Variants in MYO3B observed in about 807,000 individuals in gnomAD.
MYO3B encodes myosin IIIB.
In MYO3B, 156 loss-of-function variants were observed where a neutral mutation model predicts 174.6. The ratio of observed to expected loss-of-function variants is 0.89; its 90% CI spans 0.78 to 1.02. MYO3B has a LOEUF of 1.02. MYO3B is among the 50% of genes least tolerant of loss of function. The pLI is 0.00. For missense variants in MYO3B, 1,632 were observed against 1,639.4 expected, an observed-to-expected ratio of 1.00 and a Z score of 0.08; for synonymous variants, 563 against 569.1, an observed-to-expected ratio of 0.99 and a Z score of 0.15.
chr2:170,432,708 T>C (rs572933664), intron 22 of MYO3B, among the ~76,000 whole-genome samples: 189 of 151,928 alleles, frequency 1.2e-3, no homozygotes, highest in South Asian at 6.0e-3. Context: ...TCCCAAGTAG[T>C]TGGGACTACA....
intron 23 of MYO3B, among the ~76,000 whole-genome samples, chr2:170,453,253 G>A (rs1230182562): frequency 1.2e-4 from 18 of 152,260 alleles, no homozygotes; most frequent in South Asian, 8.3e-4. Flanking sequence ...CACAGCCCAC[G>A]TTCTATCCTG....
chr2:170,344,010 C>T (rs2093996763), intron 8 of MYO3B, among the ~76,000 whole-genome samples: 1 of 152,218 alleles, frequency 6.6e-6, no homozygotes. Context: ...GCTGGTGTGG[C>T]AGGGCCACAT....
At chr2:170,183,142 A>C (rs917418734) in intron 1 of MYO3B, among the ~76,000 whole-genome samples, 2 of 152,020 alleles carry the variant, frequency 1.3e-5, no homozygotes, top group Non-Finnish European at 2.9e-5. Context: ...CTGTAATCCC[A>C]GTTACTTGGG....
At chr2:170,625,771 T>G (rs1252689534) in intron 32 of MYO3B, among the ~76,000 whole-genome samples, 1 of 152,230 alleles carries the variant, frequency 6.6e-6, no homozygotes. Flanking sequence ...TCTCATTGGT[T>G]TCAAAGAACA....
chr2:170,375,720 T>TAC (rs2094287455), intron 9 of MYO3B, among the ~76,000 whole-genome samples: 1 of 57,220 alleles, frequency 1.7e-5, no homozygotes, highest in African/African-American at 3.6e-5. Flanking sequence ...TGTGCATGCA[T>TAC]GCACACACAC....
chr2:170,579,130 A>G (rs1692974109), intron 32 of MYO3B, among the ~76,000 whole-genome samples: 1 of 152,232 alleles, frequency 6.6e-6, no homozygotes, highest in Admixed American at 6.5e-5. Flanking sequence ...TGACTAGCAA[A>G]GAACTGCAGA....
At chr2:170,361,758 ATC>A (rs555596048) in intron 8 of MYO3B, among the ~76,000 whole-genome samples, 11 of 152,070 alleles carry the variant, frequency 7.2e-5, no homozygotes, top group East Asian at 5.8e-4. Context: ...GCACTTTTAC[ATC>A]TCTCTCTCTT....
intron 7 of MYO3B, among the ~76,000 whole-genome samples, chr2:170,285,917 T>C: frequency 6.6e-6 from 1 of 152,186 alleles, no homozygotes; most frequent in East Asian, 1.9e-4. Context: ...AAGTCTTTCT[T>C]ACATGAAAAG....
intron 12 of MYO3B, among the ~76,000 whole-genome samples, chr2:170,384,733 G>T (rs964504239): frequency 2.0e-5 from 3 of 152,148 alleles, no homozygotes; most frequent in African/African-American, 7.2e-5. Context: ...TCACTGTGTT[G>T]TCTTTTTTGA....
intron 1 of MYO3B, among the ~76,000 whole-genome samples, chr2:170,195,508 A>G (rs925540300): frequency 1.3e-5 from 2 of 152,034 alleles, no homozygotes; most frequent in African/African-American, 4.8e-5. Context: ...AGCCACCTCC[A>G]CCACTCAGTA....
intron 6 of MYO3B, among the ~76,000 whole-genome samples, chr2:170,230,646 G>C (rs141851639): frequency 6.6e-6 from 1 of 151,772 alleles, no homozygotes; most frequent in Non-Finnish European, 1.5e-5. Context: ...CATAAAATTC[G>C]CTTCTTTCTA....
chr2:170,335,308 A>G, intron 7 of MYO3B, 77 bp from the exon 8 acceptor site: 1 of 1,062,460 alleles, frequency 9.4e-7, no homozygotes, highest in East Asian at 2.6e-5. Context: ...TTAGAATGAT[A>G]TCAATAAAAA....
chr2:170,377,613 C>T (rs2094304391), intron 9 of MYO3B, among the ~76,000 whole-genome samples: 1 of 152,186 alleles, frequency 6.6e-6, no homozygotes, highest in Non-Finnish European at 1.5e-5. Flanking sequence ...TCCACTGCCA[C>T]ACCAAAAGCA....
chr2:170,322,091 T>A, intron 7 of MYO3B, among the ~76,000 whole-genome samples: 1 of 125,906 alleles, frequency 7.9e-6, no homozygotes, highest in Non-Finnish European at 1.6e-5. Flanking sequence ...TCCAGCCTGG[T>A]GAAAGAGCGA....
intron 32 of MYO3B, among the ~76,000 whole-genome samples, chr2:170,568,841 A>T (rs1372847330): frequency 1.3e-5 from 2 of 152,216 alleles, no homozygotes; most frequent in African/African-American, 4.8e-5. Flanking sequence ...ACTAGGGCTG[A>T]CAAAGTCAAC....
intron 32 of MYO3B, among the ~76,000 whole-genome samples, chr2:170,584,643 A>G (rs1693381972): frequency 6.6e-6 from 1 of 152,214 alleles, no homozygotes; most frequent in African/African-American, 2.4e-5. Context: ...GTTGGATTGG[A>G]CCTTTCGCAC....
At chr2:170,589,622 G>A (rs992890883) in intron 32 of MYO3B, among the ~76,000 whole-genome samples, 1 of 152,202 alleles carries the variant, frequency 6.6e-6, no homozygotes, top group Admixed American at 6.5e-5. Context: ...AAATGTTTTT[G>A]TACAGCTGCA....
chr2:170,295,777 A>G (rs1363748801), intron 7 of MYO3B, among the ~76,000 whole-genome samples: 1 of 152,036 alleles, frequency 6.6e-6, no homozygotes, highest in African/African-American at 2.4e-5. Flanking sequence ...AAATATCTTT[A>G]TTTCTTCTTT....
chr2:170,613,785 C>G (rs183911481), intron 32 of MYO3B, among the ~76,000 whole-genome samples: 2 of 152,208 alleles, frequency 1.3e-5, no homozygotes, highest in African/African-American at 4.8e-5. Flanking sequence ...CGAGACAAGA[C>G]GAGCCTCCCA....
Sources: gnomAD v4.1 joint callset for allele counts (sites outside exome capture counted in the v4.1 genomes callset) on GRCh38, gnomAD v4.1.1 for gene constraint, MANE v1.5 for transcripts, NCBI Gene and HGNC (gene_info 2026-07-23, HGNC 2026-07-21) for gene names.